SPRING1: variants seen among roughly 807,000 people sequenced by gnomAD.
SPRING1 encodes the protein SREBP regulating gene protein.
In SPRING1, 14 loss-of-function variants were observed where a neutral mutation model predicts 24.7. The observed-to-expected ratio is 0.57, with a 90% CI of 0.37 to 0.88. SPRING1 has a LOEUF of 0.88. Among genes scored for constraint, SPRING1 ranks in the 40% least tolerant of loss-of-function variants. The pLI is 0.00. For missense variants in SPRING1, 255 were observed against 268.4 expected, an observed-to-expected ratio of 0.95 and a Z score of 0.35; for synonymous variants, 93 against 106.1, an observed-to-expected ratio of 0.88 and a Z score of 0.76.
chr12:116,723,646 C>T (rs759411496), intron 1 of SPRING1, among the ~76,000 whole-genome samples: 2 of 152,180 alleles, frequency 1.3e-5, no homozygotes, highest in African/African-American at 2.4e-5. Context: ...AAGAAACTTT[C>T]GTGACTCTCA....
chr12:116,724,913 T>A (rs1178417999), intron 1 of SPRING1, among the ~76,000 whole-genome samples: 1 of 152,214 alleles, frequency 6.6e-6, no homozygotes, highest in Non-Finnish European at 1.5e-5. Context: ...GGAATCAGTA[T>A]TTTTAAAGTA....
At chr12:116,724,087 T>G (rs2137036307) in intron 1 of SPRING1, among the ~76,000 whole-genome samples, 1 of 152,332 alleles carries the variant, frequency 6.6e-6, no homozygotes, top group South Asian at 2.1e-4. Flanking sequence ...AGTAAGCTAC[T>G]GGATAATAAA....
chr12:116,719,802 G>C lies in SPRING1; in HGVS notation c.495C>G (p.His165Gln). 1 of 1,614,194 alleles carries C rather than the reference G, an allele frequency of 6.2e-7. No homozygotes were observed. The highest frequency in any genetic ancestry group is 8.5e-7 in the Non-Finnish European group (1 of 1,180,026). ...FQNLFMAVED[H>Q]FELCLAKCRT... ...TGCATTTGGCCAGGCACAACTCAAA[G>C]TGATCTTCGACTGCCATGAAGAGGT... is the stretch of plus-strand genomic sequence containing the variant. The change falls in exon 4 of 5, where the codon CAC (histidine) becomes CAG (glutamine). Residue 165 changes from histidine (H) to glutamine (Q), a missense_variant. Physicochemically the swap from His to Gln is conservative, Grantham distance 24. Coordinates refer to ENST00000261318, the MANE Select transcript of SPRING1 (RefSeq NM_024738.4).
intron 1 of SPRING1, among the ~76,000 whole-genome samples, chr12:116,727,405 G>A (rs1167863124): frequency 6.6e-6 from 1 of 152,222 alleles, no homozygotes; most frequent in Non-Finnish European, 1.5e-5. Flanking sequence ...AAGAGCTACA[G>A]AAACACACTG....
chr12:116,737,011 C>T (rs1871255098), intron 1 of SPRING1, among the ~76,000 whole-genome samples: 1 of 152,200 alleles, frequency 6.6e-6, no homozygotes, highest in Non-Finnish European at 1.5e-5. Flanking sequence ...CCCCACTTCT[C>T]CCAGGCCTGC....
chr12:116,729,891 TTTTA>T (rs935581076), intron 1 of SPRING1, among the ~76,000 whole-genome samples: 15 of 152,286 alleles, frequency 9.8e-5, no homozygotes, highest in South Asian at 2.1e-4. Context: ...TTGTTTTTAT[TTTTA>T]TTTATTTATT....
In SPRING1 at chr12:116,716,000, G is replaced by A. The variant is rs576629073; in HGVS notation, c.*1810C>T. ...AGAGTTAAAATAAGCTCAAAGGAGA[G>A]GCTGATTCCAATGTCAACCCAGGGA... On this transcript the variant is annotated 3_prime_UTR_variant, in exon 5 of 5. Transcript: ENST00000261318. The A allele has an allele frequency of 2.6e-5, 4 of 152,182 alleles. No individual in the cohort carries two copies. Among genetic ancestry groups the A allele is most frequent in the Non-Finnish European group, 5.9e-5 (4 of 68,044 alleles). 9.4% of individuals were successfully genotyped at this position (152,182 alleles called of 1,614,324 possible).
At position 116,713,020 on chromosome 12, in the gene SPRING1, G is replaced by A. The variant is rs1869940793; in HGVS notation, c.*4790C>T. 2 of 152,332 alleles carry A rather than the reference G, an allele frequency of 1.3e-5. No individual in the cohort carries two copies. Among genetic ancestry groups the A allele is most frequent in the Non-Finnish European group, 2.9e-5 (2 of 68,146 alleles). The allele number at this position is 152,332 out of a possible 1,614,324, so 9.4% of individuals were successfully genotyped here. ...GCTCCTCTGTTCAATCTAACGGGGA[G>A]ATATGACCCCAGAGCAGGGCTTCCC... On this transcript the variant is annotated 3_prime_UTR_variant, in exon 5 of 5. Coordinates refer to ENST00000261318, the MANE Select transcript of SPRING1 (RefSeq NM_024738.4).
rs1869931171 is a variant in SPRING1, at chr12:116,712,784, G to A, written c.*5026C>T. ...CCTCCAGATCCTTCTGCAGACAGGA[G>A]GGTGTCTGCATTCGGCGGAGTCCAA... On this transcript the variant is annotated 3_prime_UTR_variant, in exon 5 of 5. Coordinates refer to ENST00000261318, the MANE Select transcript of SPRING1 (RefSeq NM_024738.4). 1 of 152,422 alleles carries A rather than the reference G, an allele frequency of 6.6e-6. No individual in the cohort carries two copies. Among genetic ancestry groups the A allele is most frequent in the South Asian group, 2.1e-4 (1 of 4,830 alleles). The allele number at this position is 152,422 out of a possible 1,614,324, so 9.4% of individuals were successfully genotyped here. A position where few individuals can be genotyped will look rare whatever the true frequency, so the allele number is the denominator to read the frequency against.
Position 116,730,969 on chromosome 12 carries a change from C to A in SPRING1, c.111+6821G>T, listed in dbSNP as rs115684280. ...ATAACTAGTGTATCAGTTGTTCTTT[C>A]AAGAAAAAATAGTGTTCCATGAAAA... is the stretch of plus-strand genomic sequence containing the variant. On this transcript the variant is annotated intron_variant, in intron 1 of 4. Coordinates refer to ENST00000261318, the MANE Select transcript of SPRING1 (RefSeq NM_024738.4). Among the ~76,000 whole-genome samples, 284 of 152,244 alleles carry A rather than the reference C, an allele frequency of 1.9e-3. 2 individuals carry two copies. Among genetic ancestry groups the A allele is most frequent in the African/African-American group, 6.4e-3 (267 of 41,556 alleles).
intron 2 of SPRING1, among the ~76,000 whole-genome samples, chr12:116,721,940 C>G (rs1870454961): frequency 6.6e-6 from 1 of 152,278 alleles, no homozygotes; most frequent in Non-Finnish European, 1.5e-5. Context: ...TGAAAGCAAG[C>G]TCATCAAGAA....
chr12:116,737,953 G>A lies in SPRING1; in HGVS notation c.-53C>T, dbSNP rs776277804. The stretch of plus-strand genomic sequence containing the variant: ...CGGGGCGCGGAACGCGGCAGGCCCG[G>A]GTCCCGGGCGGCATGGCCCCTACGC... On this transcript the variant is annotated 5_prime_UTR_variant, in exon 1 of 5. Coordinates refer to ENST00000261318, the MANE Select transcript of SPRING1 (RefSeq NM_024738.4). 1.1e-5 allele frequency: 15 copies of A among 1,307,244 alleles called. No individual in the cohort carries two copies. In the East Asian group the frequency reaches 4.6e-4, roughly 40 times the overall value. 81.0% of individuals were successfully genotyped at this position (1,307,244 alleles called of 1,614,324 possible).
rs36071252 is a variant in SPRING1 at position 116,711,025 on chromosome 12, A to ACACACACGCACACG, written c.*6784_*6785insCGTGTGCGTGTGTG. ...TTTTGTTACACACACACACACACACACACGCACACACAGAGCCAATGTATG... is the reference window on the plus strand; with the variant it reads ...TTTTGTTACACACACACACACACACACACACACGCACACGCACGCACACACAGAGCCAATGTATG... On this transcript the variant is annotated 3_prime_UTR_variant, in exon 5 of 5. Coordinates refer to ENST00000261318, the MANE Select transcript of SPRING1 (RefSeq NM_024738.4). The ACACACACGCACACG allele has an allele frequency of 6.6e-6, 1 of 150,814 alleles. No individual in the cohort carries two copies. Among genetic ancestry groups the ACACACACGCACACG allele is most frequent in the East Asian group, 1.9e-4 (1 of 5,166 alleles). The allele number at this position is 150,814 out of a possible 1,614,324, so 9.3% of individuals were successfully genotyped here. A position where few individuals can be genotyped will look rare whatever the true frequency, so the allele number is the denominator to read the frequency against.
chr12:116,718,922 G>A (rs1463081208), intron 4 of SPRING1, among the ~76,000 whole-genome samples: 3 of 152,166 alleles, frequency 2.0e-5, no homozygotes, highest in African/African-American at 4.8e-5. Context: ...CTGAATGCTC[G>A]CAGAACAAAC....
chr12:116,721,924 G>C lies in SPRING1; in HGVS notation c.268+1143C>G, dbSNP rs73401304. 7.3e-3 allele frequency among the ~76,000 whole-genome samples: 1,104 copies of C among 152,104 alleles called. 15 individuals carry two copies. The highest frequency in any genetic ancestry group is 0.025 in the African/African-American group (1,054 of 41,470). Reference sequence around the variant, plus strand: ...CAGCCTTGAAATGCAGCTCTTTCTAGCTTGGTGAAAGCAAGCTCATCAAGA... The same window carrying C: ...CAGCCTTGAAATGCAGCTCTTTCTACCTTGGTGAAAGCAAGCTCATCAAGA... On this transcript the variant is annotated intron_variant, in intron 2 of 4. Transcript: ENST00000261318.
At chr12:116,718,515 C>T (rs946462017) in intron 4 of SPRING1, among the ~76,000 whole-genome samples, 1 of 152,182 alleles carries the variant, frequency 6.6e-6, no homozygotes, top group Non-Finnish European at 1.5e-5. Context: ...AGTCCAAGAC[C>T]AATGCTAAGC....
At chr12:116,731,651 G>A (rs1428662237) in intron 1 of SPRING1, among the ~76,000 whole-genome samples, 2 of 151,234 alleles carry the variant, frequency 1.3e-5, no homozygotes, top group East Asian at 3.9e-4. Flanking sequence ...TTGAGAGGCT[G>A]AAGTGGAAGG....
At chr12:116,734,987 G>A (rs1165166921) in intron 1 of SPRING1, among the ~76,000 whole-genome samples, 2 of 152,208 alleles carry the variant, frequency 1.3e-5, no homozygotes, top group Non-Finnish European at 2.9e-5. Flanking sequence ...GCAGAGACTT[G>A]CAGCTGGGCT....
Position 116,728,028 on chromosome 12 carries a change from C to T in SPRING1, c.112-4805G>A, listed in dbSNP as rs339458. 0.89 allele frequency among the ~76,000 whole-genome samples: 135,002 copies of T among 152,192 alleles called. 60,049 individuals are homozygous for T. Among genetic ancestry groups the T allele is most frequent in the East Asian group, 0.99 (5,129 of 5,182 alleles). On this transcript the variant is annotated intron_variant, in intron 1 of 4. Coordinates refer to ENST00000261318, the MANE Select transcript of SPRING1 (RefSeq NM_024738.4). The surrounding 1 kb of genome is among the most constrained non-coding windows in gnomAD (Gnocchi z 4.2). Reference sequence around the variant, plus strand: ...CACTTAGCTCCTTTAAGGCTGAACACGTTCGTAGATTTTCAAGGAGTTATG... The same window carrying T: ...CACTTAGCTCCTTTAAGGCTGAACATGTTCGTAGATTTTCAAGGAGTTATG...
Sources: allele counts gnomAD v4.1 joint callset (sites outside exome capture counted in the v4.1 genomes callset), GRCh38; gene constraint gnomAD v4.1.1; non-coding constraint Gnocchi (gnomAD v3.1); transcripts MANE v1.5; gene names NCBI Gene and HGNC (gene_info 2026-07-23, HGNC 2026-07-21).